Variants in CHN1 observed in about 807,000 individuals in gnomAD.
CHN1 encodes N-chimaerin.
A neutral mutation model predicts 59.5 loss-of-function variants in CHN1; 37 were observed. The ratio of observed to expected loss-of-function variants is 0.62; its 90% CI spans 0.48 to 0.82. The LOEUF (loss-of-function observed/expected upper bound fraction) is 0.82. Ranked by LOEUF, CHN1 falls within the 40% of genes least tolerant of loss-of-function variation. The pLI is 0.00. For synonymous variants in CHN1, 206 were observed against 200.4 expected (o/e 1.03, Z -0.24); for missense variants, 469 against 571.0 (o/e 0.82, Z 1.82).
At chr2:174,863,356 G>C (rs1272400773) in intron 6 of CHN1, among the ~76,000 whole-genome samples, 2 of 152,126 alleles carry the variant, frequency 1.3e-5, no homozygotes, top group Non-Finnish European at 2.9e-5. Flanking sequence ...TAACCTTTAA[G>C]AAATTACTAC....
chr2:174,816,737 T>C (rs1487997994), intron 8 of CHN1, among the ~76,000 whole-genome samples: 1 of 152,114 alleles, frequency 6.6e-6, no homozygotes, highest in African/African-American at 2.4e-5. Flanking sequence ...CCAGGGCCTT[T>C]TGTTATAATT....
chr2:174,999,189 G>A (rs1196683576), intron 1 of CHN1, among the ~76,000 whole-genome samples: 1 of 151,968 alleles, frequency 6.6e-6, no homozygotes, highest in African/African-American at 2.4e-5. Flanking sequence ...AAAGTTCATA[G>A]AAATTATTTT....
chr2:174,912,628 CA>C lies in CHN1; in HGVS notation c.260+2429del, dbSNP rs1688735334. ...TAATGGATTACGTGTATGTTAAAAA[CA>C]AATTGATGTGAACTGGGAGAATCAC... On this transcript the variant is annotated intron_variant, in intron 5 of 12. Transcript: ENST00000409900. Among the ~76,000 whole-genome samples, 4 of 152,112 alleles carry C rather than the reference CA, an allele frequency of 2.6e-5. No individual in the cohort carries two copies. The South Asian group carries it at 8.3e-4, about 32-fold the overall frequency.
intron 5 of CHN1, among the ~76,000 whole-genome samples, chr2:174,894,298 A>C (rs1451120847): frequency 6.6e-6 from 1 of 152,176 alleles, no homozygotes; most frequent in Non-Finnish European, 1.5e-5. Flanking sequence ...TAATAACCCA[A>C]TTAAAAACTG....
chr2:174,959,850 A>G (rs964033887), intron 1 of CHN1, among the ~76,000 whole-genome samples: 3 of 152,350 alleles, frequency 2.0e-5, no homozygotes, highest in Middle Eastern at 3.4e-3. Context: ...AAAAACTGCA[A>G]TCTTGACCTT....
At chr2:174,962,429 ATGTT>A (rs1342732510) in intron 1 of CHN1, among the ~76,000 whole-genome samples, 1 of 152,208 alleles carries the variant, frequency 6.6e-6, no homozygotes, top group East Asian at 1.9e-4. Flanking sequence ...TACTCCGAAA[ATGTT>A]TGTGATTGCC....
chr2:174,915,031 A>G (rs1193973671), intron 5 of CHN1, 27 bp downstream of exon 5: 1 of 1,360,654 alleles, frequency 7.3e-7, no homozygotes, highest in Non-Finnish European at 1.0e-6. Flanking sequence ...AATAAAGCAC[A>G]GTAGTAATTG....
At chr2:174,913,130 AC>A (rs1688748047) in intron 5 of CHN1, among the ~76,000 whole-genome samples, 1 of 152,238 alleles carries the variant, frequency 6.6e-6, no homozygotes, top group Non-Finnish European at 1.5e-5. Flanking sequence ...AAACTGTGTG[AC>A]AGATATAAGA....
At chr2:174,803,035 T>C (rs1270635680) in intron 11 of CHN1, among the ~76,000 whole-genome samples, 1 of 151,792 alleles carries the variant, frequency 6.6e-6, no homozygotes, top group Non-Finnish European at 1.5e-5. Context: ...CAAGAATCCA[T>C]CTTGGGGGGG....
At chr2:174,976,012 G>A (rs1360466153) in intron 1 of CHN1, among the ~76,000 whole-genome samples, 2 of 149,206 alleles carry the variant, frequency 1.3e-5, no homozygotes, top group Non-Finnish European at 3.0e-5. Context: ...TGTAGTCCCA[G>A]CTACTTGGGA....
chr2:174,952,512 T>C (rs1690053680), intron 1 of CHN1, among the ~76,000 whole-genome samples: 2 of 152,224 alleles, frequency 1.3e-5, no homozygotes, highest in Non-Finnish European at 2.9e-5. Context: ...AAGGCTTTGT[T>C]TCTTTGGGCT....
intron 4 of CHN1, 41 bp from the exon 5 acceptor site, chr2:174,915,212 T>C (rs765060207): frequency 2.7e-6 from 4 of 1,477,792 alleles, no homozygotes; most frequent in Admixed American, 1.9e-5. Context: ...CTTTCTACAT[T>C]TTTCAATAAA....
intron 1 of CHN1, among the ~76,000 whole-genome samples, chr2:174,956,052 AC>A: frequency 6.6e-6 from 1 of 152,214 alleles, no homozygotes; most frequent in Non-Finnish European, 1.5e-5. Flanking sequence ...AAATTAAAAA[AC>A]AATTGTGGAA....
intron 5 of CHN1, among the ~76,000 whole-genome samples, chr2:174,887,448 T>C (rs143743793): frequency 8.3e-4 from 127 of 152,300 alleles, no homozygotes; most frequent in African/African-American, 3.0e-3. Flanking sequence ...CTAGGCACTA[T>C]GTATGTATTA....
At chr2:174,821,704 C>A in intron 8 of CHN1, 1 of 455,518 alleles carries the variant, frequency 2.2e-6, no homozygotes, top group Non-Finnish European at 4.5e-6. Context: ...CAGGCGCCAT[C>A]TTGGAAGCAG....
At chr2:174,945,033 T>G in intron 2 of CHN1, 90 bp from the exon 3 acceptor site, 1 of 944,442 alleles carries the variant, frequency 1.1e-6, no homozygotes, top group Non-Finnish European at 1.6e-6. Flanking sequence ...CTTTTTATGT[T>G]CACAAGAAAA....
At chr2:174,839,365 ATATGACACC>A (rs1686208301) in intron 7 of CHN1, among the ~76,000 whole-genome samples, 1 of 152,216 alleles carries the variant, frequency 6.6e-6, no homozygotes, top group South Asian at 2.1e-4. Context: ...ATCCTGCCGT[ATATGACACC>A]ATGAGATGAA....
intron 5 of CHN1, among the ~76,000 whole-genome samples, chr2:174,904,819 A>G (rs1558975407): frequency 6.6e-6 from 1 of 152,328 alleles, no homozygotes; most frequent in Admixed American, 6.5e-5. Flanking sequence ...TTTTATAGAT[A>G]AAACTTAATT....
At chr2:174,995,038 T>A (rs1691662986) in intron 1 of CHN1, among the ~76,000 whole-genome samples, 1 of 151,998 alleles carries the variant, frequency 6.6e-6, no homozygotes, top group Non-Finnish European at 1.5e-5. Context: ...TAAAAGTAAA[T>A]GTTTAGATTG....
Sources: gnomAD v4.1 joint callset for allele counts (sites outside exome capture counted in the v4.1 genomes callset) on GRCh38, gnomAD v4.1.1 for gene constraint, MANE v1.5 for transcripts, NCBI Gene and HGNC (gene_info 2026-07-23, HGNC 2026-07-21) for gene names.